The following CSGALNACT1 variants were observed in gnomAD, a reference collection of about 807,000 sequenced individuals.
CSGALNACT1 encodes beta4GalNAcT-1.
A neutral mutation model predicts 51.0 loss-of-function variants in CSGALNACT1; 52 were observed. That is an observed-to-expected ratio of 1.02 (90% CI 0.82 to 1.29). The LOEUF (loss-of-function observed/expected upper bound fraction) is 1.29. Ranked by LOEUF, CSGALNACT1 falls within the 50% of genes most tolerant of loss-of-function variation. The pLI, the probability that CSGALNACT1 is intolerant of heterozygous loss-of-function variation, is 0.00. For missense variants in CSGALNACT1, 935 were observed against 679.2 expected, an observed-to-expected ratio of 1.38 and a Z score of -4.19; for synonymous variants, 341 against 254.4, an observed-to-expected ratio of 1.34 and a Z score of -3.24.
intron 2 of CSGALNACT1, among the ~76,000 whole-genome samples, chr8:19,598,962 C>T (rs4244454): frequency 0.86 from 130,639 of 152,150 alleles, 56,243 homozygotes; most frequent in East Asian, 1. Flanking sequence ...CAGGAACACA[C>T]TACCATTGAG....
intron 8 of CSGALNACT1, among the ~76,000 whole-genome samples, chr8:19,417,554 G>A (rs926663425): frequency 4.6e-5 from 7 of 152,166 alleles, no homozygotes; most frequent in African/African-American, 1.7e-4. Flanking sequence ...CTCTCCCATT[G>A]TACGGAAGCA....
In CSGALNACT1 at chr8:19,655,484, C is replaced by A. The variant is rs141174020; in HGVS notation, c.-544+26989G>T. ...CAATCAATCCTCCCATCTCAGCCTCCCAAGTAGCTGGAACTAAGGCATGTG... is the reference window on the plus strand; with the variant it reads ...CAATCAATCCTCCCATCTCAGCCTCACAAGTAGCTGGAACTAAGGCATGTG... On this transcript the variant is annotated intron_variant, in intron 1 of 9. Coordinates refer to the CSGALNACT1 transcript ENST00000332246. Among the ~76,000 whole-genome samples the A allele has an allele frequency of 4.7e-4, 72 of 152,124 alleles. No individual in the cohort carries two copies. In the Middle Eastern group the frequency reaches 0.01, roughly 22 times the overall value.
At chr8:19,474,869 G>GAAAAAAAAAAA (rs10683237) in intron 4 of CSGALNACT1, among the ~76,000 whole-genome samples, 38 of 86,044 alleles carry the variant, frequency 4.4e-4, no homozygotes, top group East Asian at 7.1e-4. Flanking sequence ...CTCTGTCTCA[G>GAAAAAAAAAAA]AAAAAAAAAA....
chr8:19,466,202 C>G (rs768278019), intron 4 of CSGALNACT1, among the ~76,000 whole-genome samples: 10 of 152,164 alleles, frequency 6.6e-5, no homozygotes, highest in Non-Finnish European at 1.2e-4. Flanking sequence ...AAATCTGTAA[C>G]AGGCAGAAAT....
intron 5 of CSGALNACT1, among the ~76,000 whole-genome samples, chr8:19,449,564 C>A (rs1360143289): frequency 6.6e-6 from 1 of 152,148 alleles, no homozygotes; most frequent in African/African-American, 2.4e-5. Flanking sequence ...AAATAATTTT[C>A]CTGAAATTTT....
At chr8:19,732,187 A>G (rs1191088788) in intron 1 of CSGALNACT1, among the ~76,000 whole-genome samples, 1 of 152,240 alleles carries the variant, frequency 6.6e-6, no homozygotes, top group African/African-American at 2.4e-5. Context: ...CAAATAAACT[A>G]GCATAACGGT....
intron 1 of CSGALNACT1, among the ~76,000 whole-genome samples, chr8:19,710,608 G>A (rs1402301679): frequency 1.3e-5 from 2 of 152,062 alleles, no homozygotes; most frequent in East Asian, 1.9e-4. Context: ...AGTGGTCCAC[G>A]AGTTCTTGTT....
intron 1 of CSGALNACT1, among the ~76,000 whole-genome samples, chr8:19,660,701 C>T (rs1347498369): frequency 6.6e-6 from 1 of 152,156 alleles, no homozygotes; most frequent in African/African-American, 2.4e-5. Flanking sequence ...CAGGCACATT[C>T]TCAGAGCCTA....
At chr8:19,470,281 C>T (rs1174432586) in intron 4 of CSGALNACT1, among the ~76,000 whole-genome samples, 1 of 152,096 alleles carries the variant, frequency 6.6e-6, no homozygotes, top group Admixed American at 6.5e-5. Context: ...TCGTTAATTT[C>T]TTGGTGAAAC....
upstream of CSGALNACT1, chr8:19,682,870 G>A (rs1178618564): frequency 2.6e-6 from 1 of 378,916 alleles, no homozygotes; most frequent in Non-Finnish European, 5.3e-6. Context: ...AGCCCTCACA[G>A]GTCCAACTGC....
chr8:19,656,558 C>T (rs546755474), intron 1 of CSGALNACT1, among the ~76,000 whole-genome samples: 5 of 150,940 alleles, frequency 3.3e-5, no homozygotes, highest in Non-Finnish European at 5.9e-5. Flanking sequence ...CGCATGCACA[C>T]ACACACAGTG....
intron 4 of CSGALNACT1, among the ~76,000 whole-genome samples, chr8:19,476,003 G>T (rs1256072133): frequency 1.3e-5 from 2 of 152,126 alleles, no homozygotes; most frequent in African/African-American, 2.4e-5. Context: ...TGAAACAGAA[G>T]AAAGACAATT....
chr8:19,506,043 A>C (rs2077272083), exon 4 of CSGALNACT1: 1 of 704,628 alleles, frequency 1.4e-6, no homozygotes, highest in Non-Finnish European at 2.6e-6. Context: ...TCTTGCAGGC[A>C]GAAGCAATGA....
At chr8:19,450,729 C>A (rs1018495624) in intron 5 of CSGALNACT1, among the ~76,000 whole-genome samples, 1 of 152,056 alleles carries the variant, frequency 6.6e-6, no homozygotes, top group Non-Finnish European at 1.5e-5. Flanking sequence ...CCAGCCTGGG[C>A]AACAGAGCAA....
intron 3 of CSGALNACT1, among the ~76,000 whole-genome samples, chr8:19,525,470 A>T (rs917435206): frequency 6.6e-6 from 1 of 151,602 alleles, no homozygotes; most frequent in Non-Finnish European, 1.5e-5. Flanking sequence ...AAAAAAAATT[A>T]GCTGGGCCTG....
At chr8:19,477,657 G>T (rs1420287399) in intron 4 of CSGALNACT1, among the ~76,000 whole-genome samples, 1 of 152,206 alleles carries the variant, frequency 6.6e-6, no homozygotes, top group Non-Finnish European at 1.5e-5. Context: ...AGGCTCTAGA[G>T]CCGGGTGTGA....
intron 3 of CSGALNACT1, among the ~76,000 whole-genome samples, chr8:19,557,088 G>C (rs1244457056): frequency 6.6e-6 from 1 of 152,030 alleles, no homozygotes; most frequent in African/African-American, 2.4e-5. Context: ...CAGGTGAAAA[G>C]GGATTGGCAT....
chr8:19,694,262 G>C (rs1048301843), intron 1 of CSGALNACT1, among the ~76,000 whole-genome samples: 1 of 152,138 alleles, frequency 6.6e-6, no homozygotes, highest in African/African-American at 2.4e-5. Context: ...CAGTGTTCCA[G>C]AAAATGATTA....
intron 3 of CSGALNACT1, among the ~76,000 whole-genome samples, chr8:19,541,739 T>C (rs2085219051): frequency 6.6e-6 from 1 of 151,832 alleles, no homozygotes; most frequent in South Asian, 2.1e-4. Flanking sequence ...TTTACTATTG[T>C]TAGTTTGGCT....
Sources: gnomAD v4.1 joint callset for allele counts (sites outside exome capture counted in the v4.1 genomes callset) on GRCh38, gnomAD v4.1.1 for gene constraint, MANE v1.5 for transcripts, NCBI Gene and HGNC (gene_info 2026-07-23, HGNC 2026-07-21) for gene names.